The following APLF variants were observed in gnomAD, a reference collection of about 807,000 sequenced individuals.
APLF encodes the protein aprataxin and PNK-like factor.
Under a neutral mutation model 55.6 loss-of-function variants are expected in APLF, and 61 were observed. The ratio of observed to expected loss-of-function variants is 1.10; its 90% confidence interval spans 0.89 to 1.36. APLF has a LOEUF of 1.36. Ranked by LOEUF, APLF falls within the 40% of genes most tolerant of loss-of-function variation. The pLI is 0.00. For synonymous variants in APLF, 207 were observed against 214.8 expected (o/e 0.96, Z 0.32); for missense variants, 611 against 602.5 (o/e 1.01, Z -0.15).
chr2:68,513,832 A>G (rs999310829), intron 5 of APLF, 152 bp downstream of exon 5: 35 of 873,610 alleles, frequency 4.0e-5, no homozygotes, highest in Admixed American at 6.1e-5. Flanking sequence ...AGTTGTGAAC[A>G]TGAAGTCTAA....
At chr2:68,513,776 G>C in intron 5 of APLF, 96 bp downstream of exon 5, 1 of 1,234,422 alleles carries the variant, frequency 8.1e-7, no homozygotes, top group Non-Finnish European at 1.1e-6. Context: ...GTTCTATAGA[G>C]ATAGAGTAGA....
At position 68,567,579 on chromosome 2, in the gene APLF, C is replaced by T. The variant is rs551361205; in HGVS notation, c.1333+192C>T. The stretch of plus-strand genomic sequence containing the variant: ...ACCCTTTTGTATAGCAAATGCTTTC[C>T]CCATTGTCCACAATATATATTTGCC... On this transcript the variant is annotated intron_variant, in intron 9 of 9. Transcript: ENST00000303795. Among the ~76,000 whole-genome samples, 5 of 151,704 alleles carry T rather than the reference C, an allele frequency of 3.3e-5. No individual in the cohort carries two copies. In the South Asian group the frequency reaches 1.0e-3, roughly 32 times the overall value.
At chr2:68,522,450 G>T (rs1374770341) in intron 5 of APLF, among the ~76,000 whole-genome samples, 1 of 151,632 alleles carries the variant, frequency 6.6e-6, no homozygotes, top group Non-Finnish European at 1.5e-5. Flanking sequence ...TTTGGTTTAG[G>T]ACATCTCTTA....
intron 8 of APLF, among the ~76,000 whole-genome samples, chr2:68,555,657 A>G (rs1370122768): frequency 6.6e-6 from 1 of 152,160 alleles, no homozygotes; most frequent in Non-Finnish European, 1.5e-5. Flanking sequence ...ATGCAGTACC[A>G]CCCTGCGCCT....
chr2:68,496,615 C>T (rs138057159), intron 2 of APLF, among the ~76,000 whole-genome samples: 36 of 152,326 alleles, frequency 2.4e-4, no homozygotes, highest in East Asian at 1.5e-3. Context: ...TTGTTAGAAG[C>T]AGCCAGGCCA....
intron 7 of APLF, among the ~76,000 whole-genome samples, chr2:68,541,532 G>A (rs544470310): frequency 6.6e-6 from 1 of 152,298 alleles, no homozygotes; most frequent in South Asian, 2.1e-4. Flanking sequence ...AAGGTTTAAT[G>A]CTTGTTAGTC....
intron 5 of APLF, among the ~76,000 whole-genome samples, chr2:68,519,325 A>T (rs980574354): frequency 1.4e-5 from 2 of 145,896 alleles, no homozygotes; most frequent in African/African-American, 2.5e-5. Flanking sequence ...TGTATTTTCA[A>T]AGTGAAGTGC....
intron 9 of APLF, among the ~76,000 whole-genome samples, chr2:68,574,230 C>A (rs1671561582): frequency 6.6e-6 from 1 of 151,752 alleles, no homozygotes; most frequent in East Asian, 1.9e-4. Flanking sequence ...CACTGAAAGG[C>A]AGAATTGGAT....
At chr2:68,570,816 TG>T (rs1307959064) in intron 9 of APLF, among the ~76,000 whole-genome samples, 1 of 152,200 alleles carries the variant, frequency 6.6e-6, no homozygotes, top group South Asian at 2.1e-4. Context: ...TACCCAGTAA[TG>T]GGATGGCTGG....
rs72835036 is a variant in APLF at position 68,512,643 on chromosome 2, T to C, written c.342-437T>C. On this transcript the variant is annotated intron_variant, in intron 3 of 9. Transcript: ENST00000303795. ...CATAAGTAGCTCTTTAATACTTCCC[T>C]GAACTTCAGTAGCAGTTATGTGTCA... Among the ~76,000 whole-genome samples the C allele has an allele frequency of 9.5e-3, 1,438 of 151,960 alleles. 12 individuals carry two copies. Among genetic ancestry groups the C allele is most frequent in the Non-Finnish European group, 0.015 (1,042 of 67,814 alleles).
chr2:68,548,040 A>G (rs1553374749), intron 8 of APLF, among the ~76,000 whole-genome samples: 1 of 151,844 alleles, frequency 6.6e-6, no homozygotes, highest in African/African-American at 2.4e-5. Flanking sequence ...GAAGGAAGGT[A>G]AGTTTAGATA....
At position 68,467,761 on chromosome 2, in the gene APLF, G is replaced by T; in HGVS notation, c.30G>T (p.Arg10=). ...CCGGGGGCTTCGAGCTGCAGCCGCG[G>T]GACGGCGGTCCCCGGGTGGCCCTGG... The part of the protein sequence containing the change: MSGGFELQP[R]DGGPRVALAP... The change falls in exon 1 of 10, where the codon CGG becomes CGT. Residue 10 remains arginine, a synonymous_variant. Coordinates refer to ENST00000303795, the MANE Select transcript of APLF (RefSeq NM_173545.3). 8.1e-7 allele frequency: 1 copy of T among 1,234,750 alleles called. No individual in the cohort carries two copies. The highest frequency in any genetic ancestry group is 4.1e-5 in the South Asian group (1 of 24,422). 76.5% of individuals were successfully genotyped at this position (1,234,750 alleles called of 1,614,324 possible).
At chr2:68,514,534 C>G (rs1669522990) in intron 5 of APLF, among the ~76,000 whole-genome samples, 1 of 151,856 alleles carries the variant, frequency 6.6e-6, no homozygotes, top group Non-Finnish European at 1.5e-5. Context: ...CACTTTCCAG[C>G]TGCTGCGTTT....
intron 5 of APLF, among the ~76,000 whole-genome samples, chr2:68,518,960 T>C (rs1480778918): frequency 8.1e-6 from 1 of 123,466 alleles, no homozygotes; most frequent in South Asian, 2.3e-4. Flanking sequence ...TTATTAATAA[T>C]ACATAATAAT....
Position 68,467,687 on chromosome 2 carries a change from C to T in APLF, c.-45C>T, listed in dbSNP as rs569032241. ...GCGTGTCTGTGGAGGGCGGAAACAG[C>T]GGAGGGGCCAGTCTCCTGGCGAAGG... On this transcript the variant is annotated 5_prime_UTR_variant, in exon 1 of 10. Transcript: ENST00000303795. 29 of 1,221,968 alleles carry T rather than the reference C, an allele frequency of 2.4e-5. No homozygotes were observed. The highest frequency in any genetic ancestry group is 2.9e-5 in the Non-Finnish European group (28 of 976,714). The allele number at this position is 1,221,968 out of a possible 1,614,324, so 75.7% of individuals were successfully genotyped here.
At chr2:68,576,395 T>C (rs1472177965) in intron 9 of APLF, among the ~76,000 whole-genome samples, 2 of 152,134 alleles carry the variant, frequency 1.3e-5, no homozygotes, top group Admixed American at 6.6e-5. Context: ...TATACAGATA[T>C]ATGTAATGCA....
intron 9 of APLF, among the ~76,000 whole-genome samples, chr2:68,572,717 T>C (rs1671502851): frequency 6.6e-6 from 1 of 152,144 alleles, no homozygotes; most frequent in African/African-American, 2.4e-5. Context: ...GGCACACCTC[T>C]GTTCCCAGCT....
chr2:68,535,626 T>G (rs1178325607), intron 6 of APLF, among the ~76,000 whole-genome samples: 1 of 151,166 alleles, frequency 6.6e-6, no homozygotes, highest in Non-Finnish European at 1.5e-5. Flanking sequence ...TTTAATGTGA[T>G]AAGATATTGA....
In APLF at chr2:68,577,918, C is replaced by T. The variant is rs1420197651; in HGVS notation, c.1432C>T (p.Pro478Ser). 1.2e-6 allele frequency: 2 copies of T among 1,613,110 alleles called. No individual in the cohort carries two copies. The highest frequency in any genetic ancestry group is 1.7e-6 in the Non-Finnish European group (2 of 1,179,678). Residue 478 changes from proline (P) to serine (S), a missense_variant, in exon 10 of 10, where the codon CCA becomes TCA. Physicochemically the swap from Pro to Ser is moderately conservative, Grantham distance 74 (BLOSUM62 -1). Coordinates refer to ENST00000303795, the MANE Select transcript of APLF (RefSeq NM_173545.3). Reference sequence around the variant, plus strand: ...AGATGATGAGGAAGAAGACTATGAGCCAACAGATGAAGATTCTGACTGGGA... The same window carrying T: ...AGATGATGAGGAAGAAGACTATGAGTCAACAGATGAAGATTCTGACTGGGA... ...FLDDEEEDYE[P>S]TDEDSDWEPG...
Sources: allele counts gnomAD v4.1 joint callset (sites outside exome capture counted in the v4.1 genomes callset), GRCh38; gene constraint gnomAD v4.1.1; transcripts MANE v1.5; gene names NCBI Gene and HGNC (gene_info 2026-07-23, HGNC 2026-07-21).